The following FER variants were observed in gnomAD, a reference collection of about 807,000 sequenced individuals.
FER encodes the protein tyrosine-protein kinase Fer.
FER carries 63 observed loss-of-function variants against 111.0 expected under a neutral mutation model. That is an observed-to-expected ratio of 0.57 (90% CI 0.46 to 0.70). The LOEUF (loss-of-function observed/expected upper bound fraction) is 0.70, where lower values mean the gene tolerates loss of function less well. Among genes scored for constraint, FER ranks in the 30% least tolerant of loss-of-function variants. The pLI, the probability that FER is intolerant of heterozygous loss-of-function variation, is 0.00. For missense variants in FER, 914 were observed against 954.0 expected, an observed-to-expected ratio of 0.96 and a Z score of 0.55; for synonymous variants, 327 against 313.9, an observed-to-expected ratio of 1.04 and a Z score of -0.44.
chr5:108,815,603 T>C (rs1206582352), intron 3 of FER, among the ~76,000 whole-genome samples: 1 of 152,226 alleles, frequency 6.6e-6, no homozygotes, highest in Non-Finnish European at 1.5e-5. Flanking sequence ...TGTAAAATTA[T>C]ATCTGTCTGC....
At chr5:109,139,813 A>G (rs910125814) in intron 17 of FER, among the ~76,000 whole-genome samples, 1 of 152,106 alleles carries the variant, frequency 6.6e-6, no homozygotes, top group Non-Finnish European at 1.5e-5. Context: ...TCAATTTTAC[A>G]TTGGCTGAAG....
chr5:108,928,806 G>A (rs115764975), intron 10 of FER, among the ~76,000 whole-genome samples: 8,313 of 152,048 alleles, frequency 0.055, 318 homozygotes, highest in Non-Finnish European at 0.082. Flanking sequence ...AAAGAAGAGG[G>A]TGAGAGAGAA....
intron 17 of FER, among the ~76,000 whole-genome samples, chr5:109,172,312 C>T (rs933005618): frequency 1.3e-5 from 2 of 151,294 alleles, no homozygotes; most frequent in Non-Finnish European, 2.9e-5. Context: ...CCATAAAAAT[C>T]GATGAGTTCA....
intron 17 of FER, among the ~76,000 whole-genome samples, chr5:109,155,539 A>G (rs1038296770): frequency 3.3e-5 from 5 of 151,962 alleles, no homozygotes; most frequent in African/African-American, 9.7e-5. Flanking sequence ...TTGTAGCCCA[A>G]AGTAAAAGAA....
intron 10 of FER, among the ~76,000 whole-genome samples, chr5:108,907,019 T>C (rs1750877543): frequency 6.6e-6 from 1 of 152,170 alleles, no homozygotes; most frequent in Admixed American, 6.5e-5. Context: ...TAATTGCCTT[T>C]AGGTGGATTT....
chr5:108,949,376 C>CT lies in FER; in HGVS notation c.1329+3157dup, dbSNP rs752786927. On this transcript the variant is annotated intron_variant, in intron 11 of 19. Coordinates refer to ENST00000281092, the MANE Select transcript of FER (RefSeq NM_005246.4). ...GTTATTCTTAAGGTCTTAAGTTGCG[C>CT]TTTCCCCCCATTTATTAATATGTAA... 5.9e-5 allele frequency among the ~76,000 whole-genome samples: 9 copies of CT among 152,134 alleles called. No individual in the cohort carries two copies. In the East Asian group the frequency reaches 1.5e-3, roughly 26 times the overall value.
At chr5:108,794,201 T>G (rs2150033067) in intron 2 of FER, among the ~76,000 whole-genome samples, 1 of 152,066 alleles carries the variant, frequency 6.6e-6, no homozygotes, top group African/African-American at 2.4e-5. Context: ...TTAATCCCCC[T>G]TAGCATTTCC....
chr5:108,759,556 G>C (rs1252216481), intron 1 of FER, among the ~76,000 whole-genome samples: 1 of 152,178 alleles, frequency 6.6e-6, no homozygotes, highest in Non-Finnish European at 1.5e-5. Flanking sequence ...CACAGACTGA[G>C]TAATTTAAAA....
rs750872853 is a variant in FER at position 108,883,470 on chromosome 5, T to C, written c.998T>C (p.Leu333Ser). Residue 333 changes from leucine to serine, a missense_variant, in exon 9 of 20, where the codon TTA (leucine) becomes TCA (serine). Leu to Ser is a moderately radical substitution (Grantham distance 145, BLOSUM62 -2). Around this residue, in one of 3 missense-constraint regions of FER, gnomAD observed 774 missense variants for 782.6 expected, o/e 0.99. Coordinates refer to ENST00000281092, the MANE Select transcript of FER (RefSeq NM_005246.4). Reference protein sequence around the residue: ...LLNKEEAVLELEKRIEESSET... With the variant: ...LLNKEEAVLESEKRIEESSET... The stretch of plus-strand genomic sequence containing the variant: ...AACAAGGAGGAGGCTGTTTTGGAGT[T>C]AGAGAAGAGAATTGAAGAATCTTCT... The C allele has an allele frequency of 7.5e-6, 12 of 1,608,862 alleles. No homozygotes were observed. The East Asian group carries it at 2.5e-4, about 33-fold the overall frequency.
intron 2 of FER, among the ~76,000 whole-genome samples, chr5:108,777,977 G>T (rs529779847): frequency 1.3e-3 from 205 of 152,260 alleles, no homozygotes; most frequent in African/African-American, 4.4e-3. Flanking sequence ...TTTGGGTGGG[G>T]ACACAGAACC....
chr5:109,103,616 T>C (rs1163482490), intron 17 of FER, among the ~76,000 whole-genome samples: 1 of 152,206 alleles, frequency 6.6e-6, no homozygotes. Flanking sequence ...AATTTTGGGT[T>C]AGTTTTAATC....
intron 13 of FER, among the ~76,000 whole-genome samples, chr5:109,006,651 T>A (rs2149793165): frequency 6.6e-6 from 1 of 152,362 alleles, no homozygotes; most frequent in South Asian, 2.1e-4. Context: ...TTTTTGGCTT[T>A]TTGTTTTTAA....
chr5:109,070,594 T>C (rs995371544), intron 16 of FER, among the ~76,000 whole-genome samples: 15 of 151,876 alleles, frequency 9.9e-5, no homozygotes, highest in African/African-American at 3.6e-4. Context: ...AGAGGTTAAG[T>C]GAATTGCGAG....
chr5:108,869,145 TAAAAC>T (rs888605830), intron 6 of FER, among the ~76,000 whole-genome samples: 4 of 152,150 alleles, frequency 2.6e-5, no homozygotes, highest in Admixed American at 2.6e-4. Context: ...TGATAATTTC[TAAAAC>T]AAAACATTTC....
At chr5:108,770,818 G>C (rs950861985) in intron 2 of FER, among the ~76,000 whole-genome samples, 3 of 152,104 alleles carry the variant, frequency 2.0e-5, no homozygotes, top group African/African-American at 7.2e-5. Flanking sequence ...TTTATATTCA[G>C]CTTCTTAGGA....
intron 2 of FER, among the ~76,000 whole-genome samples, chr5:108,780,192 C>G (rs922346076): frequency 6.6e-6 from 1 of 152,082 alleles, no homozygotes; most frequent in Non-Finnish European, 1.5e-5. Flanking sequence ...ATCTCCAGTA[C>G]TTTTCTTTAT....
At chr5:108,870,627 T>A (rs1764510882) in intron 6 of FER, among the ~76,000 whole-genome samples, 2 of 144,430 alleles carry the variant, frequency 1.4e-5, no homozygotes, top group Non-Finnish European at 3.1e-5. Flanking sequence ...ACATATTAGT[T>A]TTTTATAAGT....
intron 14 of FER, among the ~76,000 whole-genome samples, chr5:109,038,970 A>C (rs576345942): frequency 2.2e-4 from 33 of 152,228 alleles, no homozygotes; most frequent in African/African-American, 7.7e-4. Flanking sequence ...GTAATATGTC[A>C]GTCTTAATGA....
chr5:108,820,629 A>T, intron 3 of FER: 3 of 786,226 alleles, frequency 3.8e-6, no homozygotes, highest in Non-Finnish European at 4.6e-6. Flanking sequence ...GTGGTTCTCT[A>T]ACTTTTGAGA....
Sources: gnomAD v4.1 joint callset for allele counts (sites outside exome capture counted in the v4.1 genomes callset) on GRCh38, gnomAD v4.1.1 for gene constraint, gnomAD v4.1.1 regional missense constraint, MANE v1.5 for transcripts, NCBI Gene and HGNC (gene_info 2026-07-23, HGNC 2026-07-21) for gene names.